CUX1: variants seen among roughly 807,000 people sequenced by gnomAD.
CUX1 encodes the protein cut like homeobox 1.
A neutral mutation model predicts 158.8 loss-of-function variants in CUX1; 31 were observed. That is an observed-to-expected ratio of 0.20 (90% CI 0.15 to 0.26). The LOEUF is 0.26. CUX1 is among the 10% of genes least tolerant of loss of function. The probability of loss-of-function intolerance (pLI) is 1.00; values close to 1 mark genes in which losing one functional copy is unlikely to be tolerated. For missense variants in CUX1, 1,589 were observed against 2,014.6 expected (o/e 0.79, Z 4.04); for synonymous variants, 879 against 862.1 (o/e 1.02, Z -0.34).
chr7:101,917,582 A>G lies in CUX1; in HGVS notation c.141+1357A>G, dbSNP rs548686733. On this transcript the variant is annotated intron_variant, in intron 2 of 23. Coordinates refer to ENST00000292535, the MANE Select transcript of CUX1 (RefSeq NM_181552.4). ...CCCTATTCTCCATGTCAGCCTTGCC[A>G]TGAGTAAAAACAGGAGGAAAAAAAG... Among the ~76,000 whole-genome samples, 5 of 152,216 alleles carry G rather than the reference A, an allele frequency of 3.3e-5. No homozygotes were observed. The East Asian group carries it at 9.7e-4, about 29-fold the overall frequency.
chr7:102,216,061 TGGGAGGCCGCAGC>T lies in CUX1; in HGVS notation c.3130+10898_3130+10910del, dbSNP rs555899190. Among the ~76,000 whole-genome samples the T allele has an allele frequency of 8.3e-3, 1,267 of 152,210 alleles. 10 individuals carry two copies. The highest frequency in any genetic ancestry group is 0.029 in the African/African-American group (1,211 of 41,530). ...GCTCACGCCTATAATCCCAGCACTT[TGGGAGGCCGCAGC>T]GGGAGGATCACTTGAGGCCGGGAGT... On this transcript the variant is annotated intron_variant, in intron 20 of 23. Transcript: ENST00000292535.
At chr7:102,126,862 A>T (rs1249995136) in intron 8 of CUX1, among the ~76,000 whole-genome samples, 2 of 152,240 alleles carry the variant, frequency 1.3e-5, no homozygotes, top group African/African-American at 4.8e-5. Flanking sequence ...ATGTAGAATC[A>T]GTGGGAGCCC....
intron 20 of CUX1, among the ~76,000 whole-genome samples, chr7:102,214,362 G>GAAAATTT (rs1333287577): frequency 6.6e-6 from 1 of 151,642 alleles, no homozygotes; most frequent in East Asian, 2.0e-4. Context: ...CATCTCTACA[G>GAAAATTT]AAAATTTAAA....
chr7:102,268,083 G>A (rs1790939196), intron 14 of CUX1, among the ~76,000 whole-genome samples: 1 of 152,076 alleles, frequency 6.6e-6, no homozygotes, highest in South Asian at 2.1e-4. Context: ...TTTCCTGAGG[G>A]GAAGGGGACC....
At chr7:101,985,676 T>C (rs1270207835) in intron 2 of CUX1, among the ~76,000 whole-genome samples, 1 of 152,170 alleles carries the variant, frequency 6.6e-6, no homozygotes, top group Non-Finnish European at 1.5e-5. Flanking sequence ...ATCTGTAAAA[T>C]GTGCATAAGA....
At chr7:102,060,979 C>T (rs1824803884) in intron 3 of CUX1, among the ~76,000 whole-genome samples, 2 of 134,310 alleles carry the variant, frequency 1.5e-5, no homozygotes, top group African/African-American at 6.1e-5. Context: ...GGCTAGAGTG[C>T]AGTGGCATGA....
chr7:101,901,333 G>A (rs371141086), intron 1 of CUX1, among the ~76,000 whole-genome samples: 1 of 151,942 alleles, frequency 6.6e-6, no homozygotes, highest in Non-Finnish European at 1.5e-5. Context: ...TTGCTTTGTC[G>A]CCCAGGTTAG....
intron 22 of CUX1, among the ~76,000 whole-genome samples, chr7:102,237,268 A>T (rs1799667928): frequency 6.6e-6 from 1 of 152,032 alleles, no homozygotes. Flanking sequence ...TCTGTTGCCC[A>T]GGCTGGAGGG....
Position 102,256,149 on chromosome 7 carries a change from C to T in CUX1, c.*7107C>T, listed in dbSNP as rs990517284. The T allele has an allele frequency of 1.7e-5, 17 of 985,254 alleles. No homozygotes were observed. The highest frequency in any genetic ancestry group is 3.5e-5 in the African/African-American group (2 of 57,212). 61.0% of individuals were successfully genotyped at this position (985,254 alleles called of 1,614,324 possible). A position where few individuals can be genotyped will look rare whatever the true frequency, so the allele number is the denominator to read the frequency against. On this transcript the variant is annotated 3_prime_UTR_variant, in exon 24 of 24. Coordinates refer to ENST00000292535, the MANE Select transcript of CUX1 (RefSeq NM_181552.4). Reference sequence around the variant, plus strand: ...GCTCTGGCCGGAGCCGCTGGCCTGACGAGGCAGGATAGGGAGTATCCGTGA... The same window carrying T: ...GCTCTGGCCGGAGCCGCTGGCCTGATGAGGCAGGATAGGGAGTATCCGTGA...
intron 1 of CUX1, among the ~76,000 whole-genome samples, chr7:101,873,726 G>A: frequency 6.6e-6 from 1 of 152,264 alleles, no homozygotes; most frequent in East Asian, 1.9e-4. Flanking sequence ...TGGGATTACA[G>A]GCGTGCACTA....
intron 2 of CUX1, among the ~76,000 whole-genome samples, chr7:102,007,683 C>T (rs538562711): frequency 6.6e-6 from 1 of 151,304 alleles, no homozygotes; most frequent in Non-Finnish European, 1.5e-5. Context: ...TTCTGGGGAA[C>T]GTTGTCTTCC....
chr7:102,053,030 G>T (rs439359), intron 3 of CUX1, among the ~76,000 whole-genome samples: 3 of 151,976 alleles, frequency 2.0e-5, no homozygotes, highest in Non-Finnish European at 4.4e-5. Context: ...GGCTGGTCTC[G>T]AACTCCTGAC....
intron 2 of CUX1, among the ~76,000 whole-genome samples, chr7:102,009,007 G>A (rs1016921570): frequency 5.3e-5 from 8 of 152,120 alleles, no homozygotes; most frequent in African/African-American, 1.2e-4. Flanking sequence ...CCTCGGCCCC[G>A]CGTGCTCCAG....
At position 102,204,503 on chromosome 7, in the gene CUX1, A is replaced by G; in HGVS notation, c.3020A>G (p.Asn1007Ser). 1 of 1,613,698 alleles carries G rather than the reference A, an allele frequency of 6.2e-7. No individual in the cohort carries two copies. Among genetic ancestry groups the G allele is most frequent in the South Asian group, 1.1e-5 (1 of 91,088 alleles). The change falls in exon 19 of 24, where the codon AAC becomes AGC. Residue 1007 changes from asparagine (N) to serine (S), a missense_variant. By Grantham distance (46) the Asn-to-Ser change is conservative. Coordinates refer to ENST00000292535, the MANE Select transcript of CUX1 (RefSeq NM_181552.4). ...EPFIRMQLWLNGELGQGVLPV... is the reference protein window; with the variant it reads ...EPFIRMQLWLSGELGQGVLPV... The stretch of plus-strand genomic sequence containing the variant: ...TTCATCCGGATGCAGCTCTGGCTGA[A>G]CGGCGAGCTAGGCCAGGGTGTTCTA...
rs138328289 is a variant in CUX1 at position 102,104,401 on chromosome 7, G to A, written c.472G>A (p.Glu158Lys). 107 of 1,612,338 alleles carry A rather than the reference G, an allele frequency of 6.6e-5. 1 individual carries two copies. Among genetic ancestry groups the A allele is most frequent in the Non-Finnish European group, 8.3e-5 (98 of 1,179,594 alleles). ...EYEQTLKNQA[E>K]TIALEKEQKL... ...TGAACAGACACTGAAGAACCAAGCC[G>A]AAACCATAGCTCTTGAGAAGGAACA... The change falls in exon 6 of 24, where the codon GAA (glutamate) becomes AAA (lysine). Residue 158 changes from glutamate (E) to lysine (K), a missense_variant. Physicochemically the swap from Glu to Lys is moderately conservative, Grantham distance 56. Around this residue, in one of 8 missense-constraint regions of CUX1, gnomAD observed 515 missense variants for 574.4 expected, o/e 0.90. Transcript: ENST00000292535.
Position 102,201,410 on chromosome 7 carries a change from G to A in CUX1, c.2113G>A (p.Ala705Thr), listed in dbSNP as rs568142547. 2.7e-5 allele frequency: 43 copies of A among 1,613,924 alleles called. 1 individual carries two copies. The South Asian group carries it at 4.3e-4, about 16-fold the overall frequency. The change falls in exon 18 of 24, where the codon GCC becomes ACC. Residue 705 changes from alanine (A) to threonine (T), a missense_variant. Transcript: ENST00000292535. The surrounding 1 kb of genome is among the most constrained non-coding windows in gnomAD (Gnocchi z 5.0). ...SASGSGNSDD[A>T]IRSILQQARR... ...ATCCGGCAGCGGGAACTCTGATGACGCCATCCGCTCCATCCTGCAGCAAGC... is the reference window on the plus strand; with the variant it reads ...ATCCGGCAGCGGGAACTCTGATGACACCATCCGCTCCATCCTGCAGCAAGC...
chr7:102,142,776 G>T (rs868976808), intron 8 of CUX1, among the ~76,000 whole-genome samples: 4 of 151,464 alleles, frequency 2.6e-5, no homozygotes, highest in African/African-American at 4.9e-5. Flanking sequence ...TTAAAAATTA[G>T]CCGGGAGAGG....
chr7:102,278,726 A>G, intron 18 of CUX1, among the ~76,000 whole-genome samples: 1 of 146,896 alleles, frequency 6.8e-6, no homozygotes, highest in South Asian at 2.1e-4. Flanking sequence ...AAATAAAATA[A>G]TAATAAATAA....
At chr7:101,859,755 G>C (rs558527059) in intron 1 of CUX1, among the ~76,000 whole-genome samples, 51 of 152,196 alleles carry the variant, frequency 3.4e-4, no homozygotes, top group African/African-American at 1.1e-3. Flanking sequence ...CAGCCAGAAG[G>C]CTTCATGGGT....
Sources: allele counts gnomAD v4.1 joint callset (sites outside exome capture counted in the v4.1 genomes callset), GRCh38; gene constraint gnomAD v4.1.1; regional missense constraint gnomAD v4.1.1; non-coding constraint Gnocchi (gnomAD v3.1); transcripts MANE v1.5; gene names NCBI Gene and HGNC (gene_info 2026-07-23, HGNC 2026-07-21).